The following BRSK2 variants were observed in gnomAD, a reference collection of about 807,000 sequenced individuals.
BRSK2 encodes the protein serine/threonine-protein kinase BRSK2.
A neutral mutation model predicts 83.3 loss-of-function variants in BRSK2; 19 were observed. The observed-to-expected ratio is 0.23, with a 90% confidence interval of 0.16 to 0.33. BRSK2 has a LOEUF of 0.33. Ranked by LOEUF, BRSK2 falls within the 10% of genes least tolerant of loss-of-function variation. The probability of loss-of-function intolerance (pLI) is 1.00; values close to 1 mark genes in which losing one functional copy is unlikely to be tolerated. For missense variants in BRSK2, 798 were observed against 1,042.3 expected (o/e 0.77, Z 3.23); for synonymous variants, 519 against 435.4 (o/e 1.19, Z -2.39).
intron 8 of BRSK2, among the ~76,000 whole-genome samples, 178 bp from the exon 9 acceptor site, chr11:1,444,793 G>C (rs1205117944): frequency 2.6e-5 from 4 of 151,650 alleles, no homozygotes; most frequent in African/African-American, 9.7e-5. Flanking sequence ...TGCTGGCCTT[G>C]AGCCTCTGGG....
chr11:1,454,158 G>GGGGGGGCTCAGCTGT lies in BRSK2; in HGVS notation c.1545-317_1545-316insGCTGTGGGGGGCTCA. 5.6e-6 allele frequency: 1 copy of GGGGGGGCTCAGCTGT among 177,728 alleles called. No individual in the cohort carries two copies. The highest frequency in any genetic ancestry group is 1.7e-4 in the East Asian group (1 of 5,776). The allele number at this position is 177,728 out of a possible 1,614,324, so 11.0% of individuals were successfully genotyped here. ...CCACCTCTCACAGCGGCCTTGGTGAGGGGGGGCTCACCTGTGGGGGGCTCA... is the reference window on the plus strand; with the variant it reads ...CCACCTCTCACAGCGGCCTTGGTGAGGGGGGGCTCAGCTGTGGGGGGCTCACCTGTGGGGGGCTCA... On this transcript the variant is annotated intron_variant, in intron 15 of 19. Coordinates refer to ENST00000528841, the MANE Select transcript of BRSK2 (RefSeq NM_001256627.2). The surrounding 1 kb of genome is among the most constrained non-coding windows in gnomAD (Gnocchi z 5.2).
At chr11:1,460,276 C>G (rs1026848598) in intron 19 of BRSK2, among the ~76,000 whole-genome samples, 1 of 152,144 alleles carries the variant, frequency 6.6e-6, no homozygotes, top group Non-Finnish European at 1.5e-5. Flanking sequence ...CCCCAGCGTA[C>G]AGGGCCCCTG....
chr11:1,403,007 G>C (rs898276852), intron 1 of BRSK2, among the ~76,000 whole-genome samples: 5 of 152,168 alleles, frequency 3.3e-5, no homozygotes, highest in African/African-American at 1.2e-4. Flanking sequence ...GAGGGCGTTT[G>C]CAGATGGCGT....
Position 1,460,510 on chromosome 11 carries a change from G to A in BRSK2, c.1998G>A (p.Leu666=), listed in dbSNP as rs1483465490. Reference sequence around the variant, plus strand: ...GTTCTGTGTACCCAGGCAGCCCATTGAGTAACTTCTTTGACGTAATTAAAC... The same window carrying A: ...GTTCTGTGTACCCAGGCAGCCCATTAAGTAACTTCTTTGACGTAATTAAAC... ...TGRLSKCGSP[L]SNFFDVIKQL... Residue 666 remains leucine, a synonymous_variant, in exon 20 of 20, where the codon TTG becomes TTA. Coordinates refer to ENST00000528841, the MANE Select transcript of BRSK2 (RefSeq NM_001256627.2). The A allele has an allele frequency of 1.2e-5, 16 of 1,345,368 alleles. No individual in the cohort carries two copies. The highest frequency in any genetic ancestry group is 2.7e-5 in the Admixed American group (1 of 37,606). 83.3% of individuals were successfully genotyped at this position (1,345,368 alleles called of 1,614,324 possible). A position where few individuals can be genotyped will look rare whatever the true frequency, so the allele number is the denominator to read the frequency against.
intron 12 of BRSK2, among the ~76,000 whole-genome samples, chr11:1,446,622 C>T (rs28672782): frequency 0.16 from 24,082 of 151,704 alleles, 2,065 homozygotes; most frequent in Middle Eastern, 0.25. Context: ...TGAGCAGACC[C>T]GTGGCCGGAG....
In BRSK2 at chr11:1,435,854, G is replaced by A. The variant is rs529208018; in HGVS notation, c.92-186G>A. Reference sequence around the variant, plus strand: ...GGAGGGAAGACACAGCTTTGCAGGGGCAGCGTGACGCCAGCACTGAGCTGT... The same window carrying A: ...GGAGGGAAGACACAGCTTTGCAGGGACAGCGTGACGCCAGCACTGAGCTGT... On this transcript the variant is annotated intron_variant, in intron 1 of 19. Transcript: ENST00000528841. 4.6e-5 allele frequency among the ~76,000 whole-genome samples: 7 copies of A among 151,982 alleles called. No homozygotes were observed. In the South Asian group the frequency reaches 1.5e-3, roughly 32 times the overall value.
intron 12 of BRSK2, among the ~76,000 whole-genome samples, chr11:1,449,305 A>C (rs1845510265): frequency 6.6e-6 from 1 of 152,130 alleles, no homozygotes; most frequent in African/African-American, 2.4e-5. Flanking sequence ...CCGGCCGCTG[A>C]CCCAGGCATC....
At chr11:1,446,796 CCCAGGAGCACA>C (rs1400737913) in intron 12 of BRSK2, among the ~76,000 whole-genome samples, 1 of 152,196 alleles carries the variant, frequency 6.6e-6, no homozygotes, top group African/African-American at 2.4e-5. Context: ...AGCCCTTGGG[CCCAGGAGCACA>C]CCAGGAGGTC....
At position 1,454,381 on chromosome 11, in the gene BRSK2, G is replaced by C. The variant is rs548317957; in HGVS notation, c.1545-104G>C. The C allele has an allele frequency of 4.0e-5, 55 of 1,368,956 alleles. No homozygotes were observed. The highest frequency in any genetic ancestry group is 5.4e-5 in the Non-Finnish European group (53 of 979,500). The allele number at this position is 1,368,956 out of a possible 1,614,324, so 84.8% of individuals were successfully genotyped here. The stretch of plus-strand genomic sequence containing the variant: ...CTGTGGAGACAGCCGTTTCTATCAC[G>C]AAGCGATGGAAGATTCCGCCGTTCC... On this transcript the variant is annotated intron_variant, in intron 15 of 19. Transcript: ENST00000528841. This position sits in a 1 kb window ranked among gnomAD's most constrained non-coding sequence, Gnocchi z 5.2.
intron 19 of BRSK2, 141 bp downstream of exon 19, chr11:1,459,380 G>A (rs895132365): frequency 3.8e-5 from 35 of 915,706 alleles, no homozygotes; most frequent in African/African-American, 1.5e-4. Flanking sequence ...AGATGTCCCC[G>A]GCCCCATCCT....
At chr11:1,444,521 C>T (rs914751069) in intron 8 of BRSK2, among the ~76,000 whole-genome samples, 2 of 152,120 alleles carry the variant, frequency 1.3e-5, no homozygotes, top group African/African-American at 2.4e-5. Flanking sequence ...ACAGGTGGGC[C>T]GGGTTCTTCT....
At chr11:1,443,079 G>A (rs757092755) in intron 5 of BRSK2, 27 bp from the exon 6 acceptor site, 61 of 1,529,134 alleles carry the variant, frequency 4.0e-5, no homozygotes, top group South Asian at 2.4e-4. Flanking sequence ...CCGGAGCCCC[G>A]CCGCTGACCT....
At chr11:1,445,079 G>T (rs550779668) in intron 9 of BRSK2, 77 bp downstream of exon 9, 3 of 1,569,498 alleles carry the variant, frequency 1.9e-6, no homozygotes, top group African/African-American at 1.3e-5. Flanking sequence ...GAAAGGCGGG[G>T]GGAGGGCGCC....
chr11:1,411,220 G>A, intron 1 of BRSK2: 1 of 1,255,492 alleles, frequency 8.0e-7, no homozygotes, highest in Non-Finnish European at 1.0e-6. Flanking sequence ...AGCGGGTTCT[G>A]GACGTGCTCT....
intron 1 of BRSK2, among the ~76,000 whole-genome samples, chr11:1,392,393 G>A (rs1289476753): frequency 6.6e-6 from 1 of 152,242 alleles, no homozygotes; most frequent in Non-Finnish European, 1.5e-5. Flanking sequence ...TGCTTGGGGG[G>A]CCATTGGTGT....
At chr11:1,450,440 T>G in intron 13 of BRSK2, 147 bp from the exon 14 acceptor site, 1 of 572,066 alleles carries the variant, frequency 1.7e-6, no homozygotes, top group Non-Finnish European at 3.1e-6. Context: ...GTCCAACCCC[T>G]TCCCGGCCAG....
intron 1 of BRSK2, among the ~76,000 whole-genome samples, chr11:1,422,857 C>G (rs1848766661): frequency 6.6e-6 from 1 of 152,178 alleles, no homozygotes; most frequent in Admixed American, 6.5e-5. Flanking sequence ...TGTGCTGGCC[C>G]CAGCTGGGGG....
At chr11:1,445,065 C>G in intron 9 of BRSK2, 63 bp downstream of exon 9, 4 of 1,582,780 alleles carry the variant, frequency 2.5e-6, no homozygotes, top group Non-Finnish European at 3.5e-6. Context: ...GGAGGCCCTG[C>G]TAGGAAAGGC....
At chr11:1,453,404 A>G (rs1210040090) in intron 15 of BRSK2, among the ~76,000 whole-genome samples, 2 of 152,240 alleles carry the variant, frequency 1.3e-5, no homozygotes, top group Non-Finnish European at 1.5e-5. Context: ...AACATCGACC[A>G]TGTAGAAACT....
Sources: gnomAD v4.1 joint callset for allele counts (sites outside exome capture counted in the v4.1 genomes callset) on GRCh38, gnomAD v4.1.1 for gene constraint, Gnocchi (gnomAD v3.1) non-coding constraint, MANE v1.5 for transcripts, NCBI Gene and HGNC (gene_info 2026-07-23, HGNC 2026-07-21) for gene names.